Variants in ITPR2 observed in about 807,000 individuals in gnomAD.
The protein encoded by ITPR2 is inositol 1,4,5-trisphosphate receptor type 2.
ITPR2 carries 207 observed loss-of-function variants against 317.1 expected under a neutral mutation model. The observed-to-expected ratio is 0.65, with a 90% CI of 0.58 to 0.73. The LOEUF (loss-of-function observed/expected upper bound fraction) is 0.73, where lower values mean the gene tolerates loss of function less well. ITPR2 is among the 30% of genes least tolerant of loss of function. The probability of loss-of-function intolerance (pLI) is 0.00; values close to 1 mark genes in which losing one functional copy is unlikely to be tolerated. For synonymous variants in ITPR2, 1,156 were observed against 1,149.1 expected, an observed-to-expected ratio of 1.01 and a Z score of -0.12; for missense variants, 2,613 against 3,284.0, an observed-to-expected ratio of 0.80 and a Z score of 4.99.
At chr12:26,368,271 C>G (rs764424275) in intron 55 of ITPR2, among the ~76,000 whole-genome samples, 1 of 152,122 alleles carries the variant, frequency 6.6e-6, no homozygotes, top group Non-Finnish European at 1.5e-5. Context: ...AAAAAGGAAG[C>G]AAGAAGCAGT....
In ITPR2 at chr12:26,490,594, C is replaced by T. The variant is rs1288270485; in HGVS notation, c.5371-3343G>A. On this transcript the variant is annotated intron_variant, in intron 39 of 56. Coordinates refer to ENST00000381340, the MANE Select transcript of ITPR2 (RefSeq NM_002223.4). The stretch of plus-strand genomic sequence containing the variant: ...TTGGGAGGCCGAGGCAGGTGGATCA[C>T]CTGAGGTCAGGAGTTGGAGACCAGC... Among the ~76,000 whole-genome samples, 3 of 152,246 alleles carry T rather than the reference C, an allele frequency of 2.0e-5. No homozygotes were observed. In the East Asian group the frequency reaches 5.8e-4, roughly 29 times the overall value.
chr12:26,337,424 C>T lies in ITPR2; in HGVS notation c.*1973G>A, dbSNP rs1235503185. 1 of 152,164 alleles carries T rather than the reference C, an allele frequency of 6.6e-6. No homozygotes were observed. Among genetic ancestry groups the T allele is most frequent in the Non-Finnish European group, 1.5e-5 (1 of 68,016 alleles). The allele number at this position is 152,164 out of a possible 1,614,324, so 9.4% of individuals were successfully genotyped here. A position where few individuals can be genotyped will look rare whatever the true frequency, so the allele number is the denominator to read the frequency against. On this transcript the variant is annotated 3_prime_UTR_variant, in exon 57 of 57. Transcript: ENST00000381340. The stretch of plus-strand genomic sequence containing the variant: ...TCTCTTCTATTCTCTATCCATAAAA[C>T]TCTGCCTGATTAAAATATTTTAAAG...
chr12:26,801,491 C>T (rs1221657350), intron 1 of ITPR2, among the ~76,000 whole-genome samples: 3 of 152,146 alleles, frequency 2.0e-5, no homozygotes, highest in African/African-American at 7.2e-5. Flanking sequence ...AGATGCTGAC[C>T]ATACCACCTA....
intron 5 of ITPR2, among the ~76,000 whole-genome samples, chr12:26,718,109 A>G (rs1948772371): frequency 6.6e-6 from 1 of 152,244 alleles, no homozygotes. Flanking sequence ...AAAACAGAAT[A>G]CATGTGCAGA....
At position 26,561,846 on chromosome 12, in the gene ITPR2, T is replaced by C. The variant is rs1225146734; in HGVS notation, c.4737A>G (p.Arg1579=). The C allele has an allele frequency of 6.3e-7, 1 of 1,598,584 alleles. No individual in the cohort carries two copies. The highest frequency in any genetic ancestry group is 1.1e-5 in the South Asian group (1 of 87,198). The part of the protein sequence containing the change: ...NMVQRAAMGW[R]LSARSGPRFK... The stretch of plus-strand genomic sequence containing the variant: ...AGCGTGGCCCAGAGCGAGCTGATAG[T>C]CTCCAACCCATTGCTGCTCTCTGCA... The change falls in exon 35 of 57, where the codon AGA becomes AGG. Residue 1579 remains arginine (R), a synonymous_variant. Coordinates refer to ENST00000381340, the MANE Select transcript of ITPR2 (RefSeq NM_002223.4).
chr12:26,756,004 A>G (rs1350704611), intron 2 of ITPR2, among the ~76,000 whole-genome samples: 3 of 152,210 alleles, frequency 2.0e-5, no homozygotes, highest in Non-Finnish European at 2.9e-5. Context: ...GTCTTATCTA[A>G]GAATCCTTCT....
At chr12:26,562,287 C>T (rs1005988140) in intron 34 of ITPR2, among the ~76,000 whole-genome samples, 1 of 152,172 alleles carries the variant, frequency 6.6e-6, no homozygotes, top group African/African-American at 2.4e-5. Flanking sequence ...AGAAAGCAGA[C>T]ATAAAACACA....
At chr12:26,645,822 A>G (rs2344498) in intron 21 of ITPR2, among the ~76,000 whole-genome samples, 99,250 of 152,046 alleles carry the variant, frequency 0.65, 32,756 homozygotes, top group East Asian at 0.89. Context: ...GTAATAGGAC[A>G]CTAGCTTGTA....
At chr12:26,732,457 TTAGTGGTAGGGACACCAATGCCACA>T (rs1001071887) in intron 2 of ITPR2, among the ~76,000 whole-genome samples, 11 of 152,182 alleles carry the variant, frequency 7.2e-5, no homozygotes, top group African/African-American at 2.7e-4. Flanking sequence ...GCCTGACCTC[TTAGTGGTAGGGACACCAATGCCACA>T]CTTGGTTTGT....
At chr12:26,650,283 G>A (rs1045754391) in intron 21 of ITPR2, among the ~76,000 whole-genome samples, 18 of 152,312 alleles carry the variant, frequency 1.2e-4, no homozygotes, top group Admixed American at 4.6e-4. Flanking sequence ...AGGGGATGGT[G>A]AGGAGGTGGG....
chr12:26,797,222 G>A (rs1277543249), intron 1 of ITPR2, among the ~76,000 whole-genome samples: 3 of 151,950 alleles, frequency 2.0e-5, no homozygotes, highest in Non-Finnish European at 4.4e-5. Flanking sequence ...GCATATATAG[G>A]CTACACTAAA....
intron 49 of ITPR2, 66 bp from the exon 50 acceptor site, chr12:26,419,279 A>G (rs1323864676): frequency 6.3e-6 from 9 of 1,434,698 alleles, no homozygotes; most frequent in Non-Finnish European, 8.7e-6. Context: ...GATGAAAACT[A>G]CTATTCATAG....
chr12:26,774,092 T>C (rs1949917242), intron 2 of ITPR2, among the ~76,000 whole-genome samples: 1 of 145,734 alleles, frequency 6.9e-6, no homozygotes, highest in Non-Finnish European at 1.5e-5. Context: ...TACAAACTAC[T>C]AAAAACATCT....
At chr12:26,602,233 G>T in intron 28 of ITPR2, 137 bp downstream of exon 28, 1 of 788,204 alleles carries the variant, frequency 1.3e-6, no homozygotes. Context: ...ACACAAAAGG[G>T]CTCAGGGGTG....
intron 37 of ITPR2, among the ~76,000 whole-genome samples, chr12:26,512,186 A>T (rs985871966): frequency 1.1e-4 from 1 of 9,296 alleles, no homozygotes; most frequent in Admixed American, 1.3e-3. Context: ...TACAAAGATA[A>T]AAAAAAAAAA....
At chr12:26,572,299 G>T (rs1565612602) in intron 34 of ITPR2, among the ~76,000 whole-genome samples, 1 of 152,184 alleles carries the variant, frequency 6.6e-6, no homozygotes, top group Non-Finnish European at 1.5e-5. Flanking sequence ...AGGCCAGAAT[G>T]AAGTCATTCA....
rs141146270 is a variant in ITPR2 at position 26,677,499 on chromosome 12, C to G, written c.1409+4375G>C. On this transcript the variant is annotated intron_variant, in intron 13 of 56. Coordinates refer to ENST00000381340, the MANE Select transcript of ITPR2 (RefSeq NM_002223.4). ...CCTGTGTTCCCAGCTACTCGGGAGT[C>G]TGAGGTGGGAGGATCACCTGAGCAC... Among the ~76,000 whole-genome samples the G allele has an allele frequency of 2.0e-3, 306 of 152,064 alleles. 1 individual carries two copies. The highest frequency in any genetic ancestry group is 7.1e-3 in the African/African-American group (296 of 41,482).
At chr12:26,552,176 T>C (rs1184169402) in intron 36 of ITPR2, among the ~76,000 whole-genome samples, 2 of 152,050 alleles carry the variant, frequency 1.3e-5, no homozygotes, top group Non-Finnish European at 2.9e-5. Context: ...GGCTAATGTG[T>C]GGATGGTGAT....
At chr12:26,656,150 C>T (rs530718881) in intron 19 of ITPR2, 147 bp downstream of exon 19, 59 of 1,033,400 alleles carry the variant, frequency 5.7e-5, no homozygotes, top group African/African-American at 5.6e-4. Context: ...CCCTTCAAAA[C>T]GAGTATCTTA....
Sources: gnomAD v4.1 joint callset for allele counts (sites outside exome capture counted in the v4.1 genomes callset) on GRCh38, gnomAD v4.1.1 for gene constraint, MANE v1.5 for transcripts, NCBI Gene and HGNC (gene_info 2026-07-23, HGNC 2026-07-21) for gene names.